The following ARL15 variants were observed in gnomAD, a reference collection of about 807,000 sequenced individuals.
ARL15 encodes the protein ADP-ribosylation factor-like protein 15.
Under a neutral mutation model 25.2 loss-of-function variants are expected in ARL15, and 19 were observed. The ratio of observed to expected loss-of-function variants is 0.75; its 90% CI spans 0.53 to 1.10. The LOEUF is 1.10. Among genes scored for constraint, ARL15 ranks in the 50% least tolerant of loss-of-function variants. The pLI, the probability that ARL15 is intolerant of heterozygous loss-of-function variation, is 0.00. For missense variants in ARL15, 220 were observed against 246.0 expected (o/e 0.89, Z 0.71); for synonymous variants, 94 against 86.8 (o/e 1.08, Z -0.46).
Position 53,886,317 on chromosome 5 carries a change from G to A in ARL15, c.*244C>T. ...GAACAACAGAAGGAAGAGACATGCG[G>A]GGAAGATAATTAGTGGTAAACAGAG... On this transcript the variant is annotated 3_prime_UTR_variant, in exon 5 of 5. Transcript: ENST00000504924. 1 of 411,566 alleles carries A rather than the reference G, an allele frequency of 2.4e-6. No homozygotes were observed. The highest frequency in any genetic ancestry group is 3.7e-5 in the South Asian group (1 of 27,258). 25.5% of individuals were successfully genotyped at this position (411,566 alleles called of 1,614,324 possible). A position where few individuals can be genotyped will look rare whatever the true frequency, so the allele number is the denominator to read the frequency against.
At chr5:54,025,428 T>C (rs981169379) in intron 4 of ARL15, among the ~76,000 whole-genome samples, 5 of 152,178 alleles carry the variant, frequency 3.3e-5, no homozygotes, top group African/African-American at 1.2e-4. Flanking sequence ...TTAAAATTAA[T>C]TGGAACCTTG....
intron 4 of ARL15, among the ~76,000 whole-genome samples, chr5:53,925,938 G>A (rs1477414576): frequency 1.3e-5 from 2 of 151,318 alleles, no homozygotes; most frequent in Non-Finnish European, 2.9e-5. Flanking sequence ...TGAAACAAGG[G>A]TTGGGGTCTA....
At chr5:54,230,391 A>G (rs1268145812) in intron 1 of ARL15, among the ~76,000 whole-genome samples, 1 of 151,714 alleles carries the variant, frequency 6.6e-6, no homozygotes, top group Non-Finnish European at 1.5e-5. Flanking sequence ...AAAAGAAAGA[A>G]TGAAAAGAAA....
intron 4 of ARL15, among the ~76,000 whole-genome samples, chr5:53,941,382 C>CT (rs1746536491): frequency 6.6e-6 from 1 of 152,126 alleles, no homozygotes; most frequent in Admixed American, 6.5e-5. Flanking sequence ...CAAGGTAGAT[C>CT]TTTCTTTTTA....
At chr5:54,256,099 CACAAA>C (rs1027339548) in intron 1 of ARL15, among the ~76,000 whole-genome samples, 2 of 149,802 alleles carry the variant, frequency 1.3e-5, no homozygotes, top group Non-Finnish European at 3.0e-5. Context: ...GAAACTGAAA[CACAAA>C]ACAAAAGATT....
At chr5:54,180,062 A>C (rs1388258923) in intron 1 of ARL15, among the ~76,000 whole-genome samples, 5 of 151,242 alleles carry the variant, frequency 3.3e-5, no homozygotes, top group Non-Finnish European at 4.4e-5. Context: ...AGCTGCAGAG[A>C]TTTCCAACCC....
intron 1 of ARL15, among the ~76,000 whole-genome samples, chr5:54,221,722 C>T (rs1756377023): frequency 6.6e-6 from 1 of 152,066 alleles, no homozygotes. Flanking sequence ...AAACAAGCCA[C>T]ATTTAATAAG....
chr5:54,060,972 A>T (rs1192329556), intron 4 of ARL15, among the ~76,000 whole-genome samples: 1 of 152,224 alleles, frequency 6.6e-6, no homozygotes, highest in Non-Finnish European at 1.5e-5. Context: ...CCATTTTCTG[A>T]GGAGAAATTC....
intron 1 of ARL15, among the ~76,000 whole-genome samples, chr5:54,305,417 C>T (rs1311932691): frequency 6.6e-6 from 1 of 151,644 alleles, no homozygotes; most frequent in Non-Finnish European, 1.5e-5. Context: ...GGAGAATCAC[C>T]CCATTGCACT....
chr5:54,199,490 A>G (rs1755651201), intron 1 of ARL15, among the ~76,000 whole-genome samples: 1 of 152,150 alleles, frequency 6.6e-6, no homozygotes, highest in African/African-American at 2.4e-5. Context: ...GAAGGACATG[A>G]ACAGACACTT....
At chr5:54,021,942 A>G (rs1300739359) in intron 4 of ARL15, among the ~76,000 whole-genome samples, 1 of 152,206 alleles carries the variant, frequency 6.6e-6, no homozygotes, top group Admixed American at 6.5e-5. Context: ...AAATGACAGC[A>G]GATTCCTCCC....
At chr5:54,176,756 A>G (rs901940299) in intron 1 of ARL15, among the ~76,000 whole-genome samples, 1 of 152,232 alleles carries the variant, frequency 6.6e-6, no homozygotes, top group African/African-American at 2.4e-5. Flanking sequence ...TCCTTTCTTC[A>G]GGAGGATGTT....
Position 54,085,878 on chromosome 5 carries a change from C to A in ARL15, c.462+27324G>T, listed in dbSNP as rs564128689. Among the ~76,000 whole-genome samples the A allele has an allele frequency of 2.5e-4, 38 of 151,244 alleles. No individual in the cohort carries two copies. The Middle Eastern group carries it at 0.014, about 56-fold the overall frequency. ...AGAGGCAGACTGAAATACCTATATTCTCTCCTAAGCGTCCCATGGCTCCAG... is the reference window on the plus strand; with the variant it reads ...AGAGGCAGACTGAAATACCTATATTATCTCCTAAGCGTCCCATGGCTCCAG... On this transcript the variant is annotated intron_variant, in intron 4 of 4. Transcript: ENST00000504924.
At chr5:54,163,545 T>C (rs889235167) in intron 2 of ARL15, among the ~76,000 whole-genome samples, 7 of 151,580 alleles carry the variant, frequency 4.6e-5, no homozygotes, top group African/African-American at 1.7e-4. Flanking sequence ...TGAAACCAAC[T>C]AGACTTAAAA....
At chr5:54,194,406 A>G (rs147374046) in intron 1 of ARL15, among the ~76,000 whole-genome samples, 1 of 152,062 alleles carries the variant, frequency 6.6e-6, no homozygotes, top group Non-Finnish European at 1.5e-5. Context: ...AACCCCAATA[A>G]CCTCCATACG....
chr5:54,113,678 GAGAGA>G, intron 3 of ARL15, among the ~76,000 whole-genome samples: 1 of 152,310 alleles, frequency 6.6e-6, no homozygotes, highest in African/African-American at 2.4e-5. Context: ...AAATGTGTGT[GAGAGA>G]ACCAGGATAA....
Position 54,156,691 on chromosome 5 carries a change from C to G in ARL15, c.194-2052G>C, listed in dbSNP as rs558446882. 2.1e-3 allele frequency among the ~76,000 whole-genome samples: 322 copies of G among 152,310 alleles called. 1 individual carries two copies. The highest frequency in any genetic ancestry group is 7.5e-3 in the African/African-American group (310 of 41,574). On this transcript the variant is annotated intron_variant, in intron 2 of 4. Transcript: ENST00000504924. ...GAAAGGATGGAAAATGTTCATTGGG[C>G]CCTCTAACAATCTTCTAAAACATAC...
intron 4 of ARL15, among the ~76,000 whole-genome samples, chr5:53,911,632 A>G (rs1040002124): frequency 6.6e-6 from 1 of 152,166 alleles, no homozygotes; most frequent in Non-Finnish European, 1.5e-5. Context: ...CAGTGCACCC[A>G]TCACCTGGGC....
At chr5:54,029,342 C>T (rs935763841) in intron 4 of ARL15, among the ~76,000 whole-genome samples, 7 of 139,216 alleles carry the variant, frequency 5.0e-5, no homozygotes, top group African/African-American at 1.6e-4. Context: ...CTACCACCAC[C>T]ACCACCACCA....
Sources: gnomAD v4.1 joint callset for allele counts (sites outside exome capture counted in the v4.1 genomes callset) on GRCh38, gnomAD v4.1.1 for gene constraint, MANE v1.5 for transcripts, NCBI Gene and HGNC (gene_info 2026-07-23, HGNC 2026-07-21) for gene names.